Variants in CACNA2D4 observed in about 807,000 individuals in gnomAD.
CACNA2D4 encodes calcium voltage-gated channel auxiliary subunit alpha2delta 4.
Under a neutral mutation model 163.8 loss-of-function variants are expected in CACNA2D4, and 157 were observed. The ratio of observed to expected loss-of-function variants is 0.96; its 90% CI spans 0.84 to 1.09. The LOEUF is 1.09. Ranked by LOEUF, CACNA2D4 falls within the 50% of genes least tolerant of loss-of-function variation. The probability of loss-of-function intolerance (pLI) is 0.00; values close to 1 mark genes in which losing one functional copy is unlikely to be tolerated. For synonymous variants in CACNA2D4, 598 were observed against 586.9 expected, an observed-to-expected ratio of 1.02 and a Z score of -0.27; for missense variants, 1,410 against 1,479.9, an observed-to-expected ratio of 0.95 and a Z score of 0.78.
intron 26 of CACNA2D4, among the ~76,000 whole-genome samples, chr12:1,815,344 T>C (rs1863840090): frequency 6.6e-6 from 1 of 151,488 alleles, no homozygotes; most frequent in Non-Finnish European, 1.5e-5. Flanking sequence ...CCTCCTGGAA[T>C]GCCCTTCCCC....
In CACNA2D4 at chr12:1,834,818, C is replaced by T. The variant is rs1207691433; in HGVS notation, c.2551+5921G>A. 4.1e-6 allele frequency: 6 copies of T among 1,448,796 alleles called. No homozygotes were observed. The highest frequency in any genetic ancestry group is 5.4e-6 in the Non-Finnish European group (6 of 1,104,590). The allele number at this position is 1,448,796 out of a possible 1,614,324, so 89.7% of individuals were successfully genotyped here. On this transcript the variant is annotated intron_variant, in intron 26 of 37. Transcript: ENST00000382722. The surrounding 1 kb of genome is among the most constrained non-coding windows in gnomAD (Gnocchi z 7.6). Reference sequence around the variant, plus strand: ...CTTGACCCGGCGCTGGCCACTGCCTCCCCGAGTCCACCCTCCTCCCCGCCC... The same window carrying T: ...CTTGACCCGGCGCTGGCCACTGCCTTCCCGAGTCCACCCTCCTCCCCGCCC...
chr12:1,886,025 G>C lies in CACNA2D4; in HGVS notation c.1008C>G (p.Val336=), dbSNP rs1429769852. 6.2e-7 allele frequency: 1 copy of C among 1,612,984 alleles called. No individual in the cohort carries two copies. The highest frequency in any genetic ancestry group is 8.5e-7 in the Non-Finnish European group (1 of 1,179,148). The change falls in exon 9 of 38, where the codon GTC becomes GTG. Residue 336 remains valine, a synonymous_variant. Coordinates refer to ENST00000382722, the MANE Select transcript of CACNA2D4 (RefSeq NM_172364.5). The part of the protein sequence containing the change: ...FINIIAYNDY[V]HYIEPCFKGI... ...CTTTAAAACAAGGCTCGATGTAATG[G>C]ACGTAGTCATTGTACTGCAGTTGCA... is the stretch of plus-strand genomic sequence containing the variant.
Position 1,854,008 on chromosome 12 carries a change from G to T in CACNA2D4, c.2189C>A (p.Ala730Glu), listed in dbSNP as rs181994120. 6.2e-7 allele frequency: 1 copy of T among 1,612,804 alleles called. No individual in the cohort carries two copies. The highest frequency in any genetic ancestry group is 8.5e-7 in the Non-Finnish European group (1 of 1,179,276). The part of the protein sequence containing the change: ...EELVREVLFD[A>E]VVTAPMEAYW... ...GGCTTCCATGGGGGCTGTCACCACC[G>T]CGTCAAACAGCACCTCCCGGACCAG... Residue 730 changes from alanine (A) to glutamate (E), a missense_variant, in exon 23 of 38, where the codon GCG (alanine) becomes GAG (glutamate). Coordinates refer to ENST00000382722, the MANE Select transcript of CACNA2D4 (RefSeq NM_172364.5).
intron 6 of CACNA2D4, among the ~76,000 whole-genome samples, chr12:1,892,311 C>A (rs1262674209): frequency 2.6e-5 from 4 of 152,170 alleles, no homozygotes; most frequent in African/African-American, 7.2e-5. Context: ...CTATACCCAG[C>A]AAAGTTATTC....
chr12:1,870,462 C>T (rs538239505), intron 18 of CACNA2D4, among the ~76,000 whole-genome samples: 23 of 151,850 alleles, frequency 1.5e-4, no homozygotes, highest in African/African-American at 5.3e-4. Context: ...GACAACCTTG[C>T]AGCCTTCTGC....
At chr12:1,898,475 T>G (rs1479214518) in intron 6 of CACNA2D4, among the ~76,000 whole-genome samples, 1 of 152,102 alleles carries the variant, frequency 6.6e-6, no homozygotes, top group Non-Finnish European at 1.5e-5. Flanking sequence ...CATGAAAAGA[T>G]GTTCAAAGTC....
At chr12:1,871,735 T>C (rs916436436) in intron 18 of CACNA2D4, among the ~76,000 whole-genome samples, 1 of 152,120 alleles carries the variant, frequency 6.6e-6, no homozygotes, top group African/African-American at 2.4e-5. Context: ...GTGTGTACAA[T>C]ACACGTGTGC....
Position 1,875,411 on chromosome 12 carries a change from C to T in CACNA2D4, c.1720-74G>A. The T allele has an allele frequency of 2.1e-6, 2 of 943,452 alleles. No homozygotes were observed. The highest frequency in any genetic ancestry group is 2.6e-5 in the South Asian group (2 of 76,044). The allele number at this position is 943,452 out of a possible 1,614,324, so 58.4% of individuals were successfully genotyped here. On this transcript the variant is annotated intron_variant, in intron 16 of 37. Transcript: ENST00000382722. The surrounding 1 kb of genome is among the most constrained non-coding windows in gnomAD (Gnocchi z 4.0). Reference sequence around the variant, plus strand: ...GCTCAAGTTTATCTCTTCTACAAAGCCTTTCAGGTATATTCATAAAAGCAA... The same window carrying T: ...GCTCAAGTTTATCTCTTCTACAAAGTCTTTCAGGTATATTCATAAAAGCAA...
In CACNA2D4 at chr12:1,832,611, A is replaced by AAT. The variant is rs576734420; in HGVS notation, c.2551+8126_2551+8127dup. ...GCCACAATTTCAATTATTTCCATGAAATTCTCCTGTGTTAGTTAATTAAAA... is the reference window on the plus strand; with the variant it reads ...GCCACAATTTCAATTATTTCCATGAAATATTCTCCTGTGTTAGTTAATTAAAA... On this transcript the variant is annotated intron_variant, in intron 26 of 37. Coordinates refer to ENST00000382722, the MANE Select transcript of CACNA2D4 (RefSeq NM_172364.5). Among the ~76,000 whole-genome samples the AAT allele has an allele frequency of 1.6e-3, 240 of 152,330 alleles. 1 individual carries two copies. Among genetic ancestry groups the AAT allele is most frequent in the Middle Eastern group, 0.014 (4 of 294 alleles).
intron 1 of CACNA2D4, 55 bp downstream of exon 1, chr12:1,918,192 A>C: frequency 4.5e-6 from 6 of 1,327,560 alleles, no homozygotes; most frequent in South Asian, 1.3e-5. Context: ...CAGCCCGGGA[A>C]GAAAGTGGGA....
chr12:1,812,253 C>A (rs190750573), intron 26 of CACNA2D4, among the ~76,000 whole-genome samples: 1 of 152,292 alleles, frequency 6.6e-6, no homozygotes, highest in Admixed American at 6.5e-5. Context: ...TAAGGAGGCT[C>A]TTTTCCAGCT....
At chr12:1,804,758 G>A (rs1478869007) in intron 29 of CACNA2D4, among the ~76,000 whole-genome samples, 1 of 152,260 alleles carries the variant, frequency 6.6e-6, no homozygotes, top group Non-Finnish European at 1.5e-5. Context: ...TCGCTCTTGC[G>A]CTCTGGGAAG....
intron 10 of CACNA2D4, 47 bp from the exon 11 acceptor site, chr12:1,884,928 C>A (rs768354539): frequency 6.2e-6 from 10 of 1,601,198 alleles, no homozygotes; most frequent in Admixed American, 1.7e-5. Flanking sequence ...AAGCCCACCC[C>A]CCTCCACCTG....
At chr12:1,855,417 G>T (rs542487152) in intron 22 of CACNA2D4, among the ~76,000 whole-genome samples, 2 of 152,270 alleles carry the variant, frequency 1.3e-5, no homozygotes, top group East Asian at 3.9e-4. Flanking sequence ...CTGAGGATGT[G>T]GCCTAATGAG....
chr12:1,885,959 A>G lies in CACNA2D4; in HGVS notation c.1068+6T>C. On this transcript the variant is annotated splice_donor_region_variant and intron_variant, in intron 9 of 37. Transcript: ENST00000382722. The stretch of plus-strand genomic sequence containing the variant: ...TTGGAAGTCTCAGGCCACCGTGGAC[A>G]CTCACCTCTCGATTGTCTCGGTCCG... The G allele has an allele frequency of 6.2e-7, 1 of 1,607,968 alleles. No homozygotes were observed. The highest frequency in any genetic ancestry group is 8.5e-7 in the Non-Finnish European group (1 of 1,175,406).
intron 26 of CACNA2D4, among the ~76,000 whole-genome samples, chr12:1,812,339 TTC>T (rs1394472563): frequency 6.6e-6 from 1 of 152,210 alleles, no homozygotes; most frequent in Non-Finnish European, 1.5e-5. Context: ...TGGCAAATAG[TTC>T]TCTTTTGATG....
At chr12:1,860,285 G>A in intron 18 of CACNA2D4, 79 bp from the exon 19 acceptor site, 1 of 1,085,634 alleles carries the variant, frequency 9.2e-7, no homozygotes, top group East Asian at 2.4e-5. Context: ...AGGGCTCTTG[G>A]GGTCTTCATC....
chr12:1,902,307 C>A (rs11062015), intron 6 of CACNA2D4, among the ~76,000 whole-genome samples: 62,603 of 151,832 alleles, frequency 0.41, 15,659 homozygotes, highest in Non-Finnish European at 0.55. Context: ...TGGAACAAGA[C>A]AAGGATGTCC....
rs1864736834 is a variant in CACNA2D4 at position 1,833,867 on chromosome 12, A to T, written c.2551+6872T>A. On this transcript the variant is annotated intron_variant, in intron 26 of 37. Transcript: ENST00000382722. The surrounding 1 kb of genome is among the most constrained non-coding windows in gnomAD (Gnocchi z 4.2). ...TGAGCAGGCAGATTCGGGGGCAGAG[A>T]GTGTGGCAGGGACGCTCAGCTCTCT... Among the ~76,000 whole-genome samples the T allele has an allele frequency of 1.3e-5, 2 of 152,050 alleles. No homozygotes were observed. Among genetic ancestry groups the T allele is most frequent in the Admixed American group, 1.3e-4 (2 of 15,274 alleles).
Sources: gnomAD v4.1 joint callset for allele counts (sites outside exome capture counted in the v4.1 genomes callset) on GRCh38, gnomAD v4.1.1 for gene constraint, Gnocchi (gnomAD v3.1) non-coding constraint, MANE v1.5 for transcripts, NCBI Gene and HGNC (gene_info 2026-07-23, HGNC 2026-07-21) for gene names.